Variants in GPC6 observed in about 807,000 individuals in gnomAD.
The protein encoded by GPC6 is glypican-6.
In GPC6, 14 loss-of-function variants were observed where a neutral mutation model predicts 55.2. That is an observed-to-expected ratio of 0.25 (90% CI 0.17 to 0.40). The LOEUF (loss-of-function observed/expected upper bound fraction) is 0.40, where lower values mean the gene tolerates loss of function less well. GPC6 is among the 10% of genes least tolerant of loss of function. The pLI, the probability that GPC6 is intolerant of heterozygous loss-of-function variation, is 1.00. For synonymous variants in GPC6, 278 were observed against 259.6 expected (o/e 1.07, Z -0.68); for missense variants, 641 against 708.5 (o/e 0.90, Z 1.08).
chr13:94,382,655 G>C, intron 7 of GPC6, 105 bp downstream of exon 7: 1 of 1,469,150 alleles, frequency 6.8e-7, no homozygotes, highest in Non-Finnish European at 9.5e-7. Context: ...AAGCAACAGA[G>C]GGTGGAGGGA....
At chr13:93,298,180 C>G (rs1164380755) in intron 1 of GPC6, among the ~76,000 whole-genome samples, 3 of 152,152 alleles carry the variant, frequency 2.0e-5, no homozygotes, top group Non-Finnish European at 4.4e-5. Context: ...ATCTCATTTT[C>G]AAGTAAAATA....
At chr13:93,773,713 T>A (rs963268534) in intron 2 of GPC6, among the ~76,000 whole-genome samples, 2 of 152,160 alleles carry the variant, frequency 1.3e-5, no homozygotes, top group Non-Finnish European at 2.9e-5. Context: ...GTGATTTTCA[T>A]AGCCATCAAA....
chr13:93,857,448 G>A (rs1434143803), intron 3 of GPC6, among the ~76,000 whole-genome samples: 3 of 151,506 alleles, frequency 2.0e-5, no homozygotes, highest in Non-Finnish European at 3.0e-5. Flanking sequence ...ATAAAATGGT[G>A]CCTTTGTCAG....
intron 4 of GPC6, among the ~76,000 whole-genome samples, chr13:94,109,094 C>T (rs77866093): frequency 1.3e-5 from 2 of 152,280 alleles, no homozygotes; most frequent in East Asian, 3.9e-4. Flanking sequence ...CTTTACATCC[C>T]CTTGGGAAAA....
chr13:93,963,782 G>A (rs1010402470), intron 3 of GPC6, among the ~76,000 whole-genome samples: 3 of 152,170 alleles, frequency 2.0e-5, no homozygotes, highest in Admixed American at 6.5e-5. Context: ...CTTTCCTACA[G>A]CTAATTTTCA....
At chr13:94,296,281 T>G (rs1027884155) in intron 5 of GPC6, among the ~76,000 whole-genome samples, 2 of 152,198 alleles carry the variant, frequency 1.3e-5, no homozygotes, top group African/African-American at 4.8e-5. Context: ...CTTTAGAGAT[T>G]TTTCTGAAGA....
intron 4 of GPC6, among the ~76,000 whole-genome samples, chr13:94,140,684 T>C (rs1887342456): frequency 6.6e-6 from 1 of 152,068 alleles, no homozygotes; most frequent in Non-Finnish European, 1.5e-5. Context: ...TGTGGCTCCT[T>C]TAACTAGATG....
chr13:93,359,608 T>C (rs1880976433), intron 1 of GPC6, among the ~76,000 whole-genome samples: 1 of 152,200 alleles, frequency 6.6e-6, no homozygotes, highest in African/African-American at 2.4e-5. Flanking sequence ...ACCTTAAATA[T>C]AGTTAAGTAT....
chr13:93,576,930 A>C (rs1441030343), intron 2 of GPC6, among the ~76,000 whole-genome samples: 2 of 152,142 alleles, frequency 1.3e-5, no homozygotes, highest in Non-Finnish European at 2.9e-5. Context: ...CTTATGATTG[A>C]ATGCTTTTTA....
chr13:94,272,715 A>G (rs572175559), intron 4 of GPC6, among the ~76,000 whole-genome samples: 17 of 151,482 alleles, frequency 1.1e-4, no homozygotes, highest in South Asian at 2.1e-4. Flanking sequence ...TAATCCGCCC[A>G]CCTTGGCCTC....
At chr13:93,727,921 G>T (rs1594405889) in intron 2 of GPC6, among the ~76,000 whole-genome samples, 1 of 152,228 alleles carries the variant, frequency 6.6e-6, no homozygotes, top group East Asian at 1.9e-4. Context: ...CACAGAGAGA[G>T]TCACTATCCC....
chr13:93,815,581 A>C (rs577794694), intron 2 of GPC6, among the ~76,000 whole-genome samples: 1 of 152,306 alleles, frequency 6.6e-6, no homozygotes, highest in Admixed American at 6.5e-5. Context: ...TTATGAAAGT[A>C]AAATAGCCTT....
chr13:93,947,268 G>T (rs1879050301), intron 3 of GPC6, among the ~76,000 whole-genome samples: 1 of 152,208 alleles, frequency 6.6e-6, no homozygotes, highest in Admixed American at 6.5e-5. Context: ...CAAGACAGTG[G>T]CACATTCTTC....
At chr13:93,606,777 T>C (rs1401819255) in intron 2 of GPC6, among the ~76,000 whole-genome samples, 2 of 152,146 alleles carry the variant, frequency 1.3e-5, no homozygotes, top group Non-Finnish European at 2.9e-5. Flanking sequence ...GTTTCTTTTG[T>C]GATCTACCTG....
chr13:94,006,401 C>A (rs1882021517), intron 3 of GPC6, among the ~76,000 whole-genome samples: 1 of 152,092 alleles, frequency 6.6e-6, no homozygotes, highest in Non-Finnish European at 1.5e-5. Context: ...CTCCTCAGAC[C>A]CGAGGCTTAT....
At chr13:94,024,691 C>T (rs1882826861) in intron 3 of GPC6, among the ~76,000 whole-genome samples, 1 of 152,026 alleles carries the variant, frequency 6.6e-6, no homozygotes. Flanking sequence ...TTGGTTGCTA[C>T]CCCGAGTTGG....
intron 1 of GPC6, among the ~76,000 whole-genome samples, chr13:93,492,536 C>T (rs9584119): frequency 0.48 from 63,332 of 133,242 alleles, 15,872 homozygotes; most frequent in Non-Finnish European, 0.49. Flanking sequence ...CTGATTGCCC[C>T]GGCCAGAACT....
Position 94,073,941 on chromosome 13 carries a change from G to A in GPC6, c.877+46047G>A, listed in dbSNP as rs74554752. On this transcript the variant is annotated intron_variant, in intron 4 of 8. Coordinates refer to ENST00000377047, the MANE Select transcript of GPC6 (RefSeq NM_005708.5). ...TGACACTTGGGAAATGGCACTATTA[G>A]CAAAAATAAGTACGATAATATCGTT... 7.8e-3 allele frequency among the ~76,000 whole-genome samples: 1,192 copies of A among 152,198 alleles called. 15 individuals carry two copies. The highest frequency in any genetic ancestry group is 0.026 in the African/African-American group (1,099 of 41,518).
At chr13:93,320,787 T>G (rs1239623391) in intron 1 of GPC6, among the ~76,000 whole-genome samples, 2 of 152,134 alleles carry the variant, frequency 1.3e-5, no homozygotes, top group Admixed American at 6.5e-5. Flanking sequence ...AACTTTCTTT[T>G]CTGTTCAACT....
Sources: gnomAD v4.1 joint callset for allele counts (sites outside exome capture counted in the v4.1 genomes callset) on GRCh38, gnomAD v4.1.1 for gene constraint, MANE v1.5 for transcripts, NCBI Gene and HGNC (gene_info 2026-07-23, HGNC 2026-07-21) for gene names.